DNAJC5: variants seen among roughly 807,000 people sequenced by gnomAD.
DNAJC5 encodes the protein DnaJ heat shock protein family (Hsp40) member C5.
In DNAJC5, 1 loss-of-function variant was observed where a neutral mutation model predicts 23.2. That is an observed-to-expected ratio of 0.04 (90% CI 0.02 to 0.20). DNAJC5 has a LOEUF of 0.20. DNAJC5 is among the 10% of genes least tolerant of loss of function. The pLI, the probability that DNAJC5 is intolerant of heterozygous loss-of-function variation, is 1.00. For synonymous variants in DNAJC5, 136 were observed against 120.0 expected, an observed-to-expected ratio of 1.13 and a Z score of -0.87; for missense variants, 180 against 267.0, an observed-to-expected ratio of 0.67 and a Z score of 2.27.
intron 1 of DNAJC5, among the ~76,000 whole-genome samples, chr20:63,898,707 G>T (rs2053389970): frequency 6.6e-6 from 1 of 152,144 alleles, no homozygotes; most frequent in Non-Finnish European, 1.5e-5. Flanking sequence ...TGGGTGTGGT[G>T]GCGGGCACCT....
chr20:63,916,036 C>T (rs905407131), intron 1 of DNAJC5, among the ~76,000 whole-genome samples: 2 of 152,088 alleles, frequency 1.3e-5, no homozygotes, highest in East Asian at 1.9e-4. Context: ...TGGGTTCAAG[C>T]GATTTTCCTG....
chr20:63,932,114 T>G lies in DNAJC5; in HGVS notation c.*546T>G, dbSNP rs998983982. On this transcript the variant is annotated 3_prime_UTR_variant, in exon 5 of 5. Transcript: ENST00000360864. The surrounding 1 kb of genome is among the most constrained non-coding windows in gnomAD (Gnocchi z 4.4). ...CCAGAAGAGAGGCGGGGCCGCGTCC[T>G]CCTGGCGTCACCGGCGTCACTGTCA... 4.3e-5 allele frequency: 8 copies of G among 186,970 alleles called. No homozygotes were observed. The highest frequency in any genetic ancestry group is 2.1e-4 in the Admixed American group (4 of 18,696). 11.6% of individuals were successfully genotyped at this position (186,970 alleles called of 1,614,324 possible).
At chr20:63,918,287 T>G (rs1287108864) in intron 1 of DNAJC5, among the ~76,000 whole-genome samples, 2 of 151,764 alleles carry the variant, frequency 1.3e-5, no homozygotes, top group Non-Finnish European at 2.9e-5. Flanking sequence ...AGCCTGAAGG[T>G]GGGAGATCAC....
At chr20:63,913,317 C>T (rs939147187) in intron 1 of DNAJC5, among the ~76,000 whole-genome samples, 3 of 152,162 alleles carry the variant, frequency 2.0e-5, no homozygotes, top group Non-Finnish European at 2.9e-5. Flanking sequence ...TCCCGCTTCT[C>T]CTCAGACGTC....
chr20:63,931,289 C>A lies in DNAJC5; in HGVS notation c.494-176C>A, dbSNP rs2053668080. ...CAGGCAGTTGGGGCGGGGCTGAGGG[C>A]CGAGGGCTGGCGGTGACCCAAGGCG... On this transcript the variant is annotated intron_variant, in intron 4 of 4. Transcript: ENST00000360864. This position sits in a 1 kb window ranked among gnomAD's most constrained non-coding sequence, Gnocchi z 9.6. 2.5e-6 allele frequency: 2 copies of A among 800,860 alleles called. No homozygotes were observed. The highest frequency in any genetic ancestry group is 3.0e-5 in the South Asian group (2 of 66,280). The allele number at this position is 800,860 out of a possible 1,614,324, so 49.6% of individuals were successfully genotyped here.
intron 1 of DNAJC5, among the ~76,000 whole-genome samples, chr20:63,897,505 G>C (rs922605604): frequency 3.4e-4 from 52 of 152,286 alleles, no homozygotes; most frequent in African/African-American, 1.3e-3. Context: ...GGTGGAGGTT[G>C]CAGTGAGCAA....
intron 1 of DNAJC5, among the ~76,000 whole-genome samples, chr20:63,919,222 T>G (rs1314537700): frequency 6.6e-6 from 1 of 152,256 alleles, no homozygotes; most frequent in Non-Finnish European, 1.5e-5. Flanking sequence ...CCTGCTAAAC[T>G]GCAAGCTGCC....
At chr20:63,905,351 A>G (rs1483673127) in intron 1 of DNAJC5, among the ~76,000 whole-genome samples, 1 of 152,018 alleles carries the variant, frequency 6.6e-6, no homozygotes, top group African/African-American at 2.4e-5. Flanking sequence ...CCTGACCTCA[A>G]GTGATTGACC....
intron 1 of DNAJC5, among the ~76,000 whole-genome samples, chr20:63,910,601 G>A (rs754174611): frequency 2.6e-5 from 4 of 151,908 alleles, no homozygotes; most frequent in South Asian, 4.1e-4. Context: ...GTACCTGGGT[G>A]CCCGATGCCC....
At chr20:63,908,152 AT>A (rs2053459274) in intron 1 of DNAJC5, among the ~76,000 whole-genome samples, 1 of 152,188 alleles carries the variant, frequency 6.6e-6, no homozygotes, top group African/African-American at 2.4e-5. Context: ...CACTGGAATG[AT>A]TTGACTTTCG....
Position 63,931,629 on chromosome 20 carries a change from A to C in DNAJC5, c.*61A>C. ...GCCTGGCCACGCCAACCTTAGAATC[A>C]TGAACTGTAGTCACAGAGATGGGAA... On this transcript the variant is annotated 3_prime_UTR_variant, in exon 5 of 5. Transcript: ENST00000360864. The surrounding 1 kb of genome is among the most constrained non-coding windows in gnomAD (Gnocchi z 9.6). 6.1e-6 allele frequency: 9 copies of C among 1,466,414 alleles called. No individual in the cohort carries two copies. Among genetic ancestry groups the C allele is most frequent in the Non-Finnish European group, 8.3e-6 (9 of 1,082,010 alleles). 90.8% of individuals were successfully genotyped at this position (1,466,414 alleles called of 1,614,324 possible). A position where few individuals can be genotyped will look rare whatever the true frequency, so the allele number is the denominator to read the frequency against.
Position 63,921,064 on chromosome 20 carries a change from A to G in DNAJC5, c.-11-7271A>G, listed in dbSNP as rs185256746. Among the ~76,000 whole-genome samples, 48 of 152,122 alleles carry G rather than the reference A, an allele frequency of 3.2e-4. No individual in the cohort carries two copies. In the East Asian group the frequency reaches 8.2e-3, roughly 26 times the overall value. ...AAACTCCACCTCCCGGGTTCAAGTGATTCTTCTACCTCAGCCTCCTGAGTA... is the reference window on the plus strand; with the variant it reads ...AAACTCCACCTCCCGGGTTCAAGTGGTTCTTCTACCTCAGCCTCCTGAGTA... On this transcript the variant is annotated intron_variant, in intron 1 of 4. Coordinates refer to ENST00000360864, the MANE Select transcript of DNAJC5 (RefSeq NM_025219.3).
intron 1 of DNAJC5, among the ~76,000 whole-genome samples, chr20:63,916,848 G>A (rs1051749305): frequency 4.6e-5 from 7 of 152,120 alleles, no homozygotes; most frequent in Admixed American, 2.0e-4. Context: ...CTACTTGCAC[G>A]TCCGCTTATA....
At position 63,928,505 on chromosome 20, in the gene DNAJC5, G is replaced by C. The variant is rs747912965; in HGVS notation, c.107+53G>C. Reference sequence around the variant, plus strand: ...CCCCCCAGGAAGACACACATGCCCCGTGTGGTTTAGTCTGCATTTTACCAA... The same window carrying C: ...CCCCCCAGGAAGACACACATGCCCCCTGTGGTTTAGTCTGCATTTTACCAA... On this transcript the variant is annotated intron_variant, in intron 2 of 4. Coordinates refer to ENST00000360864, the MANE Select transcript of DNAJC5 (RefSeq NM_025219.3). This position sits in a 1 kb window ranked among gnomAD's most constrained non-coding sequence, Gnocchi z 4.6. 3 of 1,453,498 alleles carry C rather than the reference G, an allele frequency of 2.1e-6. No individual in the cohort carries two copies. Among genetic ancestry groups the C allele is most frequent in the Non-Finnish European group, 2.9e-6 (3 of 1,035,540 alleles). The allele number at this position is 1,453,498 out of a possible 1,614,324, so 90.0% of individuals were successfully genotyped here.
At chr20:63,915,473 T>TA (rs2053510198) in intron 1 of DNAJC5, among the ~76,000 whole-genome samples, 1 of 149,736 alleles carries the variant, frequency 6.7e-6, no homozygotes, top group South Asian at 2.1e-4. Flanking sequence ...CCATAATAAG[T>TA]AAAAAAAGAA....
At chr20:63,905,561 A>G (rs1171766800) in intron 1 of DNAJC5, among the ~76,000 whole-genome samples, 10 of 144,822 alleles carry the variant, frequency 6.9e-5, no homozygotes, top group East Asian at 2.1e-4. Context: ...ATGACCGCAC[A>G]TGGCAGATTT....
intron 1 of DNAJC5, among the ~76,000 whole-genome samples, chr20:63,906,690 G>A (rs990614822): frequency 2.6e-5 from 4 of 152,102 alleles, no homozygotes; most frequent in Non-Finnish European, 5.9e-5. Context: ...GGAGGCTGAG[G>A]CAGGAGAATG....
chr20:63,919,364 C>T (rs2427555), intron 1 of DNAJC5: 117,297 of 448,418 alleles, frequency 0.26, 22,629 homozygotes, highest in East Asian at 0.8. Context: ...ATGGCACCGA[C>T]GTGTCCGGGG....
chr20:63,910,656 T>C (rs1318804440), intron 1 of DNAJC5, among the ~76,000 whole-genome samples: 3 of 149,054 alleles, frequency 2.0e-5, no homozygotes, highest in Non-Finnish European at 4.4e-5. Flanking sequence ...CTCCAAGTAA[T>C]AGGGTTTTGA....
Sources: allele counts gnomAD v4.1 joint callset (sites outside exome capture counted in the v4.1 genomes callset), GRCh38; gene constraint gnomAD v4.1.1; non-coding constraint Gnocchi (gnomAD v3.1); transcripts MANE v1.5; gene names NCBI Gene and HGNC (gene_info 2026-07-23, HGNC 2026-07-21).